PDE1A: variants seen among roughly 807,000 people sequenced by gnomAD.
PDE1A encodes the protein phosphodiesterase 1A, also known as dual specificity calcium/calmodulin-dependent 3',5'-cyclic nucleotide phosphodiesterase 1A.
In PDE1A, 35 loss-of-function variants were observed where a neutral mutation model predicts 61.7. The ratio of observed to expected loss-of-function variants is 0.57; its 90% CI spans 0.43 to 0.75. The LOEUF (loss-of-function observed/expected upper bound fraction) is 0.75, where lower values mean the gene tolerates loss of function less well. PDE1A is among the 30% of genes least tolerant of loss of function. PDE1A has a pLI of 0.00. For missense variants in PDE1A, 597 were observed against 630.6 expected, an observed-to-expected ratio of 0.95 and a Z score of 0.57; for synonymous variants, 232 against 213.2, an observed-to-expected ratio of 1.09 and a Z score of -0.77.
intron 1 of PDE1A, among the ~76,000 whole-genome samples, chr2:182,379,154 A>T (rs1474854558): frequency 6.6e-6 from 1 of 152,228 alleles, no homozygotes; most frequent in African/African-American, 2.4e-5. Flanking sequence ...TTTTTTCAAC[A>T]GTGTAAAAAA....
rs372482072 is a variant in PDE1A at position 182,473,436 on chromosome 2, AAAAC to A, written c.101+48836_101+48839del. Among the ~76,000 whole-genome samples the A allele has an allele frequency of 2.8e-3, 425 of 152,070 alleles. 9 individuals carry two copies. The South Asian group carries it at 0.037, about 13-fold the overall frequency. ...TGAACTCAAACACATTTACAAGAAA[AAAAC>A]AAACAACCCCATCAAAAAGTGGGTG... On this transcript the variant is annotated intron_variant, in intron 2 of 14. Coordinates refer to the PDE1A transcript ENST00000410103.
the PDE1A span, among the ~76,000 whole-genome samples, chr2:182,657,536 C>A: frequency 1.3e-5 from 2 of 152,266 alleles, no homozygotes; most frequent in East Asian, 3.9e-4. Context: ...TCTTTCTATA[C>A]CTTTCACTAA....
intron 2 of PDE1A, among the ~76,000 whole-genome samples, chr2:182,481,825 A>G (rs1477532956): frequency 1.3e-5 from 2 of 151,968 alleles, no homozygotes; most frequent in Non-Finnish European, 2.9e-5. Flanking sequence ...ACAGTAAATC[A>G]GAATGAGAAA....
chr2:182,301,455 G>A (rs1353595143), intron 1 of PDE1A, among the ~76,000 whole-genome samples: 1 of 152,146 alleles, frequency 6.6e-6, no homozygotes, highest in African/African-American at 2.4e-5. Flanking sequence ...GGTGATGTGT[G>A]CTTCCCATGT....
the PDE1A span, among the ~76,000 whole-genome samples, chr2:182,643,336 G>T: frequency 6.6e-6 from 1 of 152,186 alleles, no homozygotes; most frequent in Admixed American, 6.5e-5. Flanking sequence ...CAGGTAAGCA[G>T]GGAGCCAGGT....
rs1277812272 is a variant in PDE1A, at chr2:182,198,152, GCTGTTATAAAGCATA to G, written c.1125+3272_1125+3286del. On this transcript the variant is annotated intron_variant, in intron 10 of 13. Transcript: ENST00000351439. ...TTCCCCCAAAATTTTATTATTTTAT[GCTGTTATAAAGCATA>G]CTGTTTTCAATTTTTATTTTCAAAT... 2.7e-3 allele frequency among the ~76,000 whole-genome samples: 407 copies of G among 151,878 alleles called. 1 individual carries two copies. The highest frequency in any genetic ancestry group is 9.6e-3 in the African/African-American group (398 of 41,512).
the PDE1A span, among the ~76,000 whole-genome samples, chr2:182,707,302 A>C: frequency 6.6e-6 from 1 of 152,196 alleles, no homozygotes; most frequent in African/African-American, 2.4e-5. Context: ...AATAAAGATA[A>C]GAAAACAATC....
intron 13 of PDE1A, among the ~76,000 whole-genome samples, chr2:182,177,522 T>C (rs567796489): frequency 2.0e-5 from 3 of 152,168 alleles, no homozygotes; most frequent in Non-Finnish European, 4.4e-5. Flanking sequence ...TAGGGAATCC[T>C]TTCCCTATTG....
At chr2:182,662,676 C>T in the PDE1A span, among the ~76,000 whole-genome samples, 1 of 152,012 alleles carries the variant, frequency 6.6e-6, no homozygotes, top group South Asian at 2.1e-4. Context: ...ACATCATATA[C>T]AAAAATCAAC....
At chr2:182,289,988 C>T (rs1694418759) in intron 1 of PDE1A, among the ~76,000 whole-genome samples, 1 of 151,576 alleles carries the variant, frequency 6.6e-6, no homozygotes, top group South Asian at 2.1e-4. Flanking sequence ...TTAAAGGTTA[C>T]ATTAAATTAT....
chr2:182,360,984 G>C (rs1357599814), intron 1 of PDE1A, among the ~76,000 whole-genome samples: 4 of 152,020 alleles, frequency 2.6e-5, no homozygotes, highest in African/African-American at 9.7e-5. Context: ...CATTCTTCTA[G>C]ATACATTATT....
chr2:182,533,882 T>C, the PDE1A span, among the ~76,000 whole-genome samples: 2 of 152,128 alleles, frequency 1.3e-5, no homozygotes, highest in Non-Finnish European at 2.9e-5. Context: ...TCTTTCTTTC[T>C]GTGCACTTTT....
the PDE1A span, among the ~76,000 whole-genome samples, chr2:182,548,500 C>T: frequency 8.5e-5 from 13 of 152,184 alleles, no homozygotes; most frequent in East Asian, 1.7e-3. Flanking sequence ...TAAACTGTGC[C>T]GAGGTCAAAG....
At chr2:182,495,544 C>T (rs376337384) in intron 2 of PDE1A, among the ~76,000 whole-genome samples, 7 of 152,112 alleles carry the variant, frequency 4.6e-5, no homozygotes, top group Admixed American at 3.3e-4. Context: ...TGATTTTTAA[C>T]GCTGTGATTT....
chr2:182,214,614 C>T lies in PDE1A; in HGVS notation c.777-8549G>A, dbSNP rs1178688364. 4.0e-5 allele frequency among the ~76,000 whole-genome samples: 6 copies of T among 150,490 alleles called. No homozygotes were observed. The South Asian group carries it at 8.5e-4, about 21-fold the overall frequency. ...AACAAAAAAAGGCAGGGGTTGCAAT[C>T]CTACTCTCTGATAAAACAGACTTTA... On this transcript the variant is annotated intron_variant, in intron 7 of 13. Coordinates refer to ENST00000351439, the Ensembl canonical transcript of PDE1A.
chr2:182,411,180 ACT>A (rs1350255301), intron 1 of PDE1A, among the ~76,000 whole-genome samples: 1 of 152,102 alleles, frequency 6.6e-6, no homozygotes, highest in Non-Finnish European at 1.5e-5. Flanking sequence ...AGTGTTGCAT[ACT>A]CTGTTTTTTC....
chr2:182,571,463 T>C, the PDE1A span, among the ~76,000 whole-genome samples: 2 of 152,112 alleles, frequency 1.3e-5, no homozygotes, highest in Non-Finnish European at 1.5e-5. Context: ...TAATTCTTTG[T>C]CTAAAGTGAG....
chr2:182,201,655 A>AAC, intron 9 of PDE1A, 33 bp downstream of exon 9: 1 of 1,550,184 alleles, frequency 6.5e-7, no homozygotes, highest in Non-Finnish European at 8.7e-7. Flanking sequence ...CATGACAAAA[A>AAC]AAAAAAAACA....
chr2:182,460,002 A>G (rs1686171792), intron 2 of PDE1A, among the ~76,000 whole-genome samples: 3 of 152,112 alleles, frequency 2.0e-5, no homozygotes, highest in Admixed American at 2.0e-4. Flanking sequence ...ATTCACTGAC[A>G]ACTGCCAAGT....
Sources: gnomAD v4.1 joint callset for allele counts (sites outside exome capture counted in the v4.1 genomes callset) on GRCh38, gnomAD v4.1.1 for gene constraint, MANE v1.5 for transcripts, NCBI Gene and HGNC (gene_info 2026-07-23, HGNC 2026-07-21) for gene names.